Variants in GLIS3 observed in about 807,000 individuals in gnomAD.
GLIS3 encodes zinc finger protein GLIS3.
A neutral mutation model predicts 78.6 loss-of-function variants in GLIS3; 53 were observed. That is an observed-to-expected ratio of 0.67 (90% CI 0.54 to 0.85). The LOEUF (loss-of-function observed/expected upper bound fraction) is 0.85, where lower values mean the gene tolerates loss of function less well. Among genes scored for constraint, GLIS3 ranks in the 40% least tolerant of loss-of-function variants. The probability of loss-of-function intolerance (pLI) is 0.00; values close to 1 mark genes in which losing one functional copy is unlikely to be tolerated. For synonymous variants in GLIS3, 684 were observed against 509.9 expected (o/e 1.34, Z -4.60); for missense variants, 1,703 against 1,231.1 (o/e 1.38, Z -5.74).
the GLIS3 span, among the ~76,000 whole-genome samples, chr9:4,375,629 A>G: frequency 4.6e-5 from 7 of 152,354 alleles, no homozygotes; most frequent in African/African-American, 1.7e-4. Context: ...AAGTAGAACT[A>G]CACGTCCCTC....
chr9:3,986,702 C>G (rs1819766390), intron 4 of GLIS3, among the ~76,000 whole-genome samples: 2 of 152,218 alleles, frequency 1.3e-5, no homozygotes, highest in Admixed American at 1.3e-4. Context: ...TCGGGCAGTA[C>G]CAGCAGGGAC....
At chr9:4,281,592 T>C (rs942770784) in intron 2 of GLIS3, among the ~76,000 whole-genome samples, 46 of 152,232 alleles carry the variant, frequency 3.0e-4, no homozygotes, top group Non-Finnish European at 6.2e-4. Flanking sequence ...AGATCATCCA[T>C]GTTGTGGCAT....
chr9:4,162,592 G>T (rs1038441333), intron 2 of GLIS3, among the ~76,000 whole-genome samples: 1 of 152,146 alleles, frequency 6.6e-6, no homozygotes, highest in South Asian at 2.1e-4. Flanking sequence ...GGGTGCGGTG[G>T]CTCACGCCTG....
At chr9:4,328,228 C>T (rs532706265) in intron 2 of GLIS3, among the ~76,000 whole-genome samples, 9 of 152,296 alleles carry the variant, frequency 5.9e-5, no homozygotes, top group African/African-American at 2.2e-4. Context: ...AGGGCAGGAA[C>T]AAGAGAACCA....
chr9:4,274,751 C>A (rs1826832191), intron 2 of GLIS3, among the ~76,000 whole-genome samples: 1 of 152,176 alleles, frequency 6.6e-6, no homozygotes, highest in African/African-American at 2.4e-5. Context: ...AGTGACTGCT[C>A]ACACATCCAT....
chr9:4,388,908 C>T, the GLIS3 span, among the ~76,000 whole-genome samples: 4 of 152,068 alleles, frequency 2.6e-5, no homozygotes, highest in Admixed American at 6.6e-5. Flanking sequence ...CCAGATCACA[C>T]ATTTGGAAAA....
intron 2 of GLIS3, among the ~76,000 whole-genome samples, chr9:4,130,924 C>T (rs1832928212): frequency 6.6e-6 from 1 of 152,194 alleles, no homozygotes; most frequent in Non-Finnish European, 1.5e-5. Context: ...AAACAGCTGC[C>T]AGGGCTGCAC....
At chr9:4,202,514 A>C (rs1305537101) in intron 2 of GLIS3, among the ~76,000 whole-genome samples, 1 of 152,178 alleles carries the variant, frequency 6.6e-6, no homozygotes, top group Non-Finnish European at 1.5e-5. Context: ...CAGCCAAAGC[A>C]ATGCTAAGCA....
chr9:4,437,150 T>A, the GLIS3 span, among the ~76,000 whole-genome samples: 1 of 152,294 alleles, frequency 6.6e-6, no homozygotes, highest in East Asian at 1.9e-4. Context: ...ACCTGAATCG[T>A]TACTATGAAA....
chr9:4,199,494 TATATG>T (rs1163691655), intron 2 of GLIS3, among the ~76,000 whole-genome samples: 1 of 149,604 alleles, frequency 6.7e-6, no homozygotes, highest in Non-Finnish European at 1.5e-5. Flanking sequence ...TATATAAGTT[TATATG>T]ATATAACTTA....
At chr9:3,937,266 T>A (rs558808846) in intron 4 of GLIS3, 77 bp from the exon 5 acceptor site, 6 of 1,415,280 alleles carry the variant, frequency 4.2e-6, no homozygotes, top group African/African-American at 1.4e-5. Flanking sequence ...AAAAAAAAAA[T>A]GTTCTTAGTT....
chr9:4,322,756 T>A (rs1216426283), intron 2 of GLIS3, among the ~76,000 whole-genome samples: 1 of 151,980 alleles, frequency 6.6e-6, no homozygotes, highest in Non-Finnish European at 1.5e-5. Context: ...TTTGATGGGG[T>A]TGTTTGATTT....
At chr9:4,150,733 A>G (rs1998271) in intron 2 of GLIS3, among the ~76,000 whole-genome samples, 40,150 of 152,110 alleles carry the variant, frequency 0.26, 7,121 homozygotes, top group African/African-American at 0.5. Flanking sequence ...GAAGATTAGA[A>G]ATCATGTGTC....
At chr9:4,152,333 A>G (rs1834747677) in intron 2 of GLIS3, 1 of 152,764 alleles carries the variant, frequency 6.5e-6, no homozygotes, top group Non-Finnish European at 1.5e-5. Context: ...GGAATGGAAG[A>G]GAAAAATCCC....
chr9:3,981,775 C>T (rs1819307645), intron 4 of GLIS3, among the ~76,000 whole-genome samples: 1 of 152,102 alleles, frequency 6.6e-6, no homozygotes. Context: ...TTCATGAGAC[C>T]TCTTGTAGCA....
intron 4 of GLIS3, among the ~76,000 whole-genome samples, chr9:4,113,391 C>G (rs1054196040): frequency 6.6e-6 from 1 of 152,132 alleles, no homozygotes; most frequent in African/African-American, 2.4e-5. Context: ...CATCTTCAAC[C>G]TTACTAGGTA....
chr9:4,223,871 A>G (rs1276703359), intron 2 of GLIS3, among the ~76,000 whole-genome samples: 1 of 152,136 alleles, frequency 6.6e-6, no homozygotes, highest in Non-Finnish European at 1.5e-5. Flanking sequence ...ACATGTGAAG[A>G]CCTGTTCTCT....
the GLIS3 span, among the ~76,000 whole-genome samples, chr9:4,397,465 T>C: frequency 1.3e-5 from 2 of 151,662 alleles, no homozygotes; most frequent in Non-Finnish European, 2.9e-5. Context: ...TACTCAACAA[T>C]AGTAGGTGGG....
At chr9:4,007,414 A>G (rs1821638821) in intron 4 of GLIS3, among the ~76,000 whole-genome samples, 1 of 151,948 alleles carries the variant, frequency 6.6e-6, no homozygotes, top group Non-Finnish European at 1.5e-5. Context: ...CCCCTTCCTT[A>G]CCCTGGTACC....
Sources: allele counts gnomAD v4.1 joint callset (sites outside exome capture counted in the v4.1 genomes callset), GRCh38; gene constraint gnomAD v4.1.1; transcripts MANE v1.5; gene names NCBI Gene and HGNC (gene_info 2026-07-23, HGNC 2026-07-21).